Variants in EPB41L3 observed in about 807,000 individuals in gnomAD.
EPB41L3 encodes the protein erythrocyte membrane protein band 4.1 like 3.
In EPB41L3, 57 loss-of-function variants were observed where a neutral mutation model predicts 127.1. The observed-to-expected ratio is 0.45, with a 90% CI of 0.36 to 0.56. EPB41L3 has a LOEUF of 0.56. EPB41L3 is among the 20% of genes least tolerant of loss of function. The pLI, the probability that EPB41L3 is intolerant of heterozygous loss-of-function variation, is 0.00. For synonymous variants in EPB41L3, 572 were observed against 549.5 expected, an observed-to-expected ratio of 1.04 and a Z score of -0.57; for missense variants, 1,273 against 1,372.2, an observed-to-expected ratio of 0.93 and a Z score of 1.14.
chr18:5,417,862 C>T (rs188349045), intron 12 of EPB41L3, among the ~76,000 whole-genome samples: 2 of 152,144 alleles, frequency 1.3e-5, no homozygotes, highest in Non-Finnish European at 2.9e-5. Context: ...AGCTGCTACA[C>T]ATTAACTTCT....
intron 3 of EPB41L3, among the ~76,000 whole-genome samples, chr18:5,601,167 C>A (rs913266762): frequency 3.3e-5 from 5 of 152,082 alleles, no homozygotes; most frequent in Non-Finnish European, 2.9e-5. Flanking sequence ...CTGAACTGAA[C>A]AAATCACATG....
chr18:5,583,324 C>T (rs1180508314), intron 3 of EPB41L3, among the ~76,000 whole-genome samples: 1 of 152,146 alleles, frequency 6.6e-6, no homozygotes, highest in Non-Finnish European at 1.5e-5. Flanking sequence ...TTCAGTGACC[C>T]CATGGCTGAG....
chr18:5,394,114 T>C (rs1238598826), intron 22 of EPB41L3: 2 of 152,690 alleles, frequency 1.3e-5, no homozygotes, highest in Non-Finnish European at 2.9e-5. Flanking sequence ...ATACAGGAAA[T>C]ATAAGACATC....
rs2072697645 is a variant in EPB41L3 at position 5,393,325 on chromosome 18, C to T, written c.*160G>A. 2.0e-6 allele frequency: 1 copy of T among 505,898 alleles called. No individual in the cohort carries two copies. The highest frequency in any genetic ancestry group is 3.2e-5 in the South Asian group (1 of 30,908). The allele number at this position is 505,898 out of a possible 1,614,324, so 31.3% of individuals were successfully genotyped here. ...GCTTTATTATGGGAAGATCTCTCTGCCAGTGTCTTTATTAATGGTCAAGGT... is the reference window on the plus strand; with the variant it reads ...GCTTTATTATGGGAAGATCTCTCTGTCAGTGTCTTTATTAATGGTCAAGGT... On this transcript the variant is annotated 3_prime_UTR_variant, in exon 23 of 23. Transcript: ENST00000341928.
chr18:5,601,516 T>G (rs1338992309), intron 3 of EPB41L3, among the ~76,000 whole-genome samples: 2 of 152,190 alleles, frequency 1.3e-5, no homozygotes, highest in East Asian at 3.8e-4. Context: ...TGTTGTTGTT[T>G]TTTTCCTTCA....
chr18:5,428,227 C>T (rs908171836), intron 9 of EPB41L3, 86 bp downstream of exon 9: 3 of 1,511,126 alleles, frequency 2.0e-6, no homozygotes, highest in Admixed American at 1.8e-5. Context: ...CCACAATGCT[C>T]AGAACTCATA....
Position 5,543,855 on chromosome 18 carries a change from C to A in EPB41L3, c.-12+58G>T, listed in dbSNP as rs2093823526. 1 of 984,026 alleles carries A rather than the reference C, an allele frequency of 1.0e-6. No homozygotes were observed. Among genetic ancestry groups the A allele is most frequent in the Non-Finnish European group, 1.2e-6 (1 of 828,840 alleles). 61.0% of individuals were successfully genotyped at this position (984,026 alleles called of 1,614,324 possible). On this transcript the variant is annotated intron_variant, in intron 1 of 22. Transcript: ENST00000341928. The surrounding 1 kb of genome is among the most constrained non-coding windows in gnomAD (Gnocchi z 5.2). ...CCCCAGGCCTCGGGCTCTTCCTCCG[C>A]ACCTCGTAAAGCCGAGACCCCCTCG...
At chr18:5,613,435 C>G (rs1475424009) in intron 2 of EPB41L3, among the ~76,000 whole-genome samples, 1 of 152,180 alleles carries the variant, frequency 6.6e-6, no homozygotes, top group Non-Finnish European at 1.5e-5. Context: ...ACAAGGTATG[C>G]TATAGTCTCA....
At chr18:5,416,420 G>A in intron 12 of EPB41L3, 42 bp from the exon 13 acceptor site, 1 of 1,554,548 alleles carries the variant, frequency 6.4e-7, no homozygotes, top group Non-Finnish European at 8.7e-7. Context: ...GCAGCAAACA[G>A]AGGTGCAAAA....
intron 3 of EPB41L3, among the ~76,000 whole-genome samples, chr18:5,609,148 T>C (rs573160558): frequency 2.6e-5 from 4 of 152,332 alleles, no homozygotes; most frequent in South Asian, 4.1e-4. Flanking sequence ...GTTTCAAATT[T>C]ATTGAGAGAG....
intron 14 of EPB41L3, among the ~76,000 whole-genome samples, chr18:5,408,291 T>TTTTTTTTG (rs1568020428): frequency 6.7e-6 from 1 of 149,960 alleles, no homozygotes; most frequent in African/African-American, 2.5e-5. Flanking sequence ...TTTTTTTTTT[T>TTTTTTTTG]GAGACAGAGT....
At chr18:5,527,785 G>A (rs897630989) in intron 1 of EPB41L3, among the ~76,000 whole-genome samples, 2 of 152,202 alleles carry the variant, frequency 1.3e-5, no homozygotes, top group Non-Finnish European at 2.9e-5. Flanking sequence ...GGCTCGGCAA[G>A]TCCAATGCCT....
chr18:5,522,253 G>A (rs938122730), intron 1 of EPB41L3, among the ~76,000 whole-genome samples: 11 of 151,886 alleles, frequency 7.2e-5, no homozygotes, highest in South Asian at 4.2e-4. Flanking sequence ...ACAGGCACCC[G>A]CCACCATGCT....
At chr18:5,488,736 C>G (rs1306988894) in intron 2 of EPB41L3, 1 of 406,328 alleles carries the variant, frequency 2.5e-6, no homozygotes, top group Non-Finnish European at 4.3e-6. Context: ...TATCTTTCCT[C>G]TAAATCCAGA....
chr18:5,610,008 C>T (rs2144012945), intron 3 of EPB41L3: 1 of 724,262 alleles, frequency 1.4e-6, no homozygotes, highest in East Asian at 1.3e-4. Context: ...CTGAGTCTAA[C>T]TGGAGGTGCC....
intron 3 of EPB41L3, among the ~76,000 whole-genome samples, chr18:5,600,417 T>C (rs1227839855): frequency 1.3e-5 from 2 of 152,190 alleles, no homozygotes; most frequent in East Asian, 1.9e-4. Context: ...GGAATGTCTG[T>C]ATAAATCACA....
chr18:5,499,001 C>G (rs1282208864), intron 1 of EPB41L3, among the ~76,000 whole-genome samples: 1 of 152,150 alleles, frequency 6.6e-6, no homozygotes, highest in Non-Finnish European at 1.5e-5. Flanking sequence ...ACAGGATCTT[C>G]ATGAGTTTGA....
chr18:5,494,215 T>C (rs1240730559), intron 1 of EPB41L3, among the ~76,000 whole-genome samples: 2 of 152,040 alleles, frequency 1.3e-5, no homozygotes, highest in Non-Finnish European at 2.9e-5. Flanking sequence ...AACCCCCCAA[T>C]CTGCTTGACT....
chr18:5,407,800 A>C, intron 14 of EPB41L3, 64 bp from the exon 15 acceptor site: 1 of 1,487,736 alleles, frequency 6.7e-7, no homozygotes, highest in Non-Finnish European at 9.4e-7. Flanking sequence ...AGATTGAAGA[A>C]CTATGGTCTA....
Sources: allele counts gnomAD v4.1 joint callset (sites outside exome capture counted in the v4.1 genomes callset), GRCh38; gene constraint gnomAD v4.1.1; non-coding constraint Gnocchi (gnomAD v3.1); transcripts MANE v1.5; gene names NCBI Gene and HGNC (gene_info 2026-07-23, HGNC 2026-07-21).